The following HELLS variants were observed in gnomAD, a reference collection of about 807,000 sequenced individuals.
HELLS encodes helicase, lymphoid specific.
HELLS carries 32 observed loss-of-function variants against 120.0 expected under a neutral mutation model. The observed-to-expected ratio is 0.27, with a 90% CI of 0.20 to 0.36. The LOEUF (loss-of-function observed/expected upper bound fraction) is 0.36. HELLS is among the 10% of genes least tolerant of loss of function. HELLS has a pLI of 1.00. For missense variants in HELLS, 650 were observed against 993.4 expected (o/e 0.65, Z 4.65); for synonymous variants, 341 against 323.4 (o/e 1.05, Z -0.58).
chr10:94,583,045 C>T lies in HELLS; in HGVS notation c.1312C>T (p.His438Tyr). The T allele has an allele frequency of 1.3e-6, 2 of 1,585,788 alleles. No individual in the cohort carries two copies. Among genetic ancestry groups the T allele is most frequent in the Admixed American group, 1.7e-5 (1 of 57,882 alleles). ...IAKEREQNVLHMLHQILTPFL... is the reference protein window; with the variant it reads ...IAKEREQNVLYMLHQILTPFL... ...TAAAGAAAGAGAACAGAATGTATTGCATATGCTGCACCAGGTTTTCCATGT... is the reference window on the plus strand; with the variant it reads ...TAAAGAAAGAGAACAGAATGTATTGTATATGCTGCACCAGGTTTTCCATGT... The change falls in exon 12 of 22, where the codon CAT becomes TAT. Residue 438 changes from histidine to tyrosine, a missense_variant. By Grantham distance (83) the His-to-Tyr change is moderately conservative. Transcript: ENST00000348459.
chr10:94,550,490 C>T (rs1009916955), intron 2 of HELLS, among the ~76,000 whole-genome samples: 8 of 151,988 alleles, frequency 5.3e-5, no homozygotes, highest in African/African-American at 7.2e-5. Context: ...ACATATTGGC[C>T]GGCCTGGTCT....
Position 94,576,665 on chromosome 10 carries a change from C to A in HELLS, c.892C>A (p.Pro298Thr). Residue 298 changes from proline (P) to threonine (T), a missense_variant, in exon 10 of 22, where the codon CCT becomes ACT. Physicochemically the swap from Pro to Thr is conservative, Grantham distance 38. This residue lies in a region of HELLS where 61 missense variants were observed against 86.5 expected (regional missense o/e 0.71). Coordinates refer to ENST00000348459, the MANE Select transcript of HELLS (RefSeq NM_018063.5). ...AAATCAATATAAAATTTTTCAGATC[C>A]CTACAATGTTATATCATGGAACCCA... Reference protein sequence around the residue: ...AEFKRFTPDIPTMLYHGTQEE... With the variant: ...AEFKRFTPDITTMLYHGTQEE... 6.5e-7 allele frequency: 1 copy of A among 1,546,442 alleles called. No individual in the cohort carries two copies. The highest frequency in any genetic ancestry group is 8.8e-7 in the Non-Finnish European group (1 of 1,139,760).
chr10:94,588,809 T>A (rs1366851910), intron 13 of HELLS, among the ~76,000 whole-genome samples: 3 of 152,184 alleles, frequency 2.0e-5, no homozygotes. Context: ...AAATGTTAAG[T>A]GATAATCTTT....
At position 94,601,707 on chromosome 10, in the gene HELLS, T is replaced by C; in HGVS notation, c.*85T>C. The C allele has an allele frequency of 1.5e-6, 1 of 666,396 alleles. No homozygotes were observed. The highest frequency in any genetic ancestry group is 2.6e-6 in the Non-Finnish European group (1 of 384,848). The allele number at this position is 666,396 out of a possible 1,614,324, so 41.3% of individuals were successfully genotyped here. A position where few individuals can be genotyped will look rare whatever the true frequency, so the allele number is the denominator to read the frequency against. On this transcript the variant is annotated 3_prime_UTR_variant, in exon 22 of 22. Transcript: ENST00000348459. ...TGGGTTTGAAATACTGATTGTCCAC[T>C]TCACCTTTTTTATTATATCAGTTGA...
chr10:94,571,410 A>G lies in HELLS; in HGVS notation c.458A>G (p.Lys153Arg). ...TAGGAAATTTTGTCTGTGGCTAAAA[A>G]AAATAAAAAGGAGAATGAGGTAAGA... ...SKEEILSVAK[K>R]NKKENEDENS... is the part of the protein sequence containing the mutation. The change falls in exon 7 of 22, where the codon AAA (lysine) becomes AGA (arginine). Residue 153 changes from lysine to arginine, a missense_variant. Lys to Arg is a conservative substitution (Grantham distance 26). Transcript: ENST00000348459. 1 of 1,498,446 alleles carries G rather than the reference A, an allele frequency of 6.7e-7. No individual in the cohort carries two copies. Among genetic ancestry groups the G allele is most frequent in the South Asian group, 1.2e-5 (1 of 86,948 alleles). The allele number at this position is 1,498,446 out of a possible 1,614,324, so 92.8% of individuals were successfully genotyped here.
intron 4 of HELLS, among the ~76,000 whole-genome samples, chr10:94,559,568 C>T (rs1470838088): frequency 6.6e-6 from 1 of 151,994 alleles, no homozygotes; most frequent in Non-Finnish European, 1.5e-5. Context: ...GCCTCAGCCT[C>T]CCGAGTAGCT....
At chr10:94,572,332 T>C (rs562809572) in intron 7 of HELLS, among the ~76,000 whole-genome samples, 1 of 152,316 alleles carries the variant, frequency 6.6e-6, no homozygotes, top group South Asian at 2.1e-4. Flanking sequence ...TTGCATACAC[T>C]TGTGTAACCA....
At chr10:94,594,044 C>T (rs1018099050) in intron 18 of HELLS, among the ~76,000 whole-genome samples, 1 of 149,908 alleles carries the variant, frequency 6.7e-6, no homozygotes, top group African/African-American at 2.5e-5. Context: ...GCTGGGATTA[C>T]CAGCATGAGC....
chr10:94,557,097 C>G (rs905654488), intron 3 of HELLS: 3 of 280,488 alleles, frequency 1.1e-5, no homozygotes, highest in Non-Finnish European at 2.2e-5. Context: ...ACCTGATTCT[C>G]TTTACCTTGT....
intron 3 of HELLS, among the ~76,000 whole-genome samples, chr10:94,556,421 GAGA>G (rs1022769884): frequency 3.4e-4 from 52 of 151,996 alleles, no homozygotes; most frequent in African/African-American, 1.2e-3. Flanking sequence ...TTTTATTCCT[GAGA>G]AGGATTCCAT....
Position 94,590,289 on chromosome 10 carries a change from C to T in HELLS, c.1489-124C>T, listed in dbSNP as rs1041883004. ...CCATGTTAAAATTAAACTAATTTCC[C>T]ACAACATTTGTATTTGTCTATAGAT... is the stretch of plus-strand genomic sequence containing the variant. On this transcript the variant is annotated intron_variant, in intron 13 of 21. Coordinates refer to ENST00000348459, the MANE Select transcript of HELLS (RefSeq NM_018063.5). 34 of 812,740 alleles carry T rather than the reference C, an allele frequency of 4.2e-5. No individual in the cohort carries two copies. In the African/African-American group the frequency reaches 4.3e-4, roughly 10 times the overall value. The allele number at this position is 812,740 out of a possible 1,614,324, so 50.3% of individuals were successfully genotyped here.
chr10:94,576,536 A>C, intron 9 of HELLS, 126 bp from the exon 10 acceptor site: 1 of 502,608 alleles, frequency 2.0e-6, no homozygotes, highest in Non-Finnish European at 3.4e-6. Flanking sequence ...TTATTTTGCT[A>C]TAGAAAAATA....
chr10:94,561,191 C>T lies in HELLS; in HGVS notation c.334-1500C>T, dbSNP rs139317667. Among the ~76,000 whole-genome samples, 952 of 152,014 alleles carry T rather than the reference C, an allele frequency of 6.3e-3. 9 individuals are homozygous for T. Among genetic ancestry groups the T allele is most frequent in the African/African-American group, 0.022 (897 of 41,460 alleles). On this transcript the variant is annotated intron_variant, in intron 4 of 21. Coordinates refer to ENST00000348459, the MANE Select transcript of HELLS (RefSeq NM_018063.5). ...TTCACTATGTTGCCCAGGCTGGTCT[C>T]GAACCCCTTGGCTTAAGCTATCCCC...
At chr10:94,582,205 A>T (rs1233598258) in intron 11 of HELLS, among the ~76,000 whole-genome samples, 1 of 152,182 alleles carries the variant, frequency 6.6e-6, no homozygotes, top group African/African-American at 2.4e-5. Flanking sequence ...AAATTTTGGG[A>T]ATTTATTTCA....
chr10:94,562,587 C>T (rs868009906), intron 4 of HELLS, 104 bp from the exon 5 acceptor site: 2 of 743,982 alleles, frequency 2.7e-6, no homozygotes, highest in African/African-American at 3.5e-5. Flanking sequence ...GGATGTGGCT[C>T]AATTGCAGGA....
At chr10:94,612,768 CAA>C (rs1437528999) in exon 10 of HELLS, 4 of 152,204 alleles carry the variant, frequency 2.6e-5, no homozygotes, top group Non-Finnish European at 4.4e-5. Flanking sequence ...TCCACTAAAA[CAA>C]AAAGTTTTCT....
chr10:94,566,820 G>C lies in HELLS; in HGVS notation c.435+3944G>C, dbSNP rs372289821. Among the ~76,000 whole-genome samples the C allele has an allele frequency of 2.0e-5, 3 of 151,514 alleles. No homozygotes were observed. The East Asian group carries it at 5.9e-4, about 30-fold the overall frequency. On this transcript the variant is annotated intron_variant, in intron 6 of 21. Transcript: ENST00000348459. ...CAGGCACGTGCCACCACGCCTGGCTGTTTTTGTATTTTTTCATAGAGAGGT... is the reference window on the plus strand; with the variant it reads ...CAGGCACGTGCCACCACGCCTGGCTCTTTTTGTATTTTTTCATAGAGAGGT...
At chr10:94,593,645 T>C in intron 18 of HELLS, 30 bp downstream of exon 18, 4 of 1,291,402 alleles carry the variant, frequency 3.1e-6, no homozygotes, top group Non-Finnish European at 4.5e-6. Flanking sequence ...AGGAATATGC[T>C]GATTATATTT....
chr10:94,585,689 A>ATT (rs538721729), intron 12 of HELLS, among the ~76,000 whole-genome samples: 18 of 139,082 alleles, frequency 1.3e-4, no homozygotes, highest in South Asian at 6.9e-4. Flanking sequence ...TGGCCAACAG[A>ATT]TTTTTTTTTT....
Sources: allele counts gnomAD v4.1 joint callset (sites outside exome capture counted in the v4.1 genomes callset), GRCh38; gene constraint gnomAD v4.1.1; regional missense constraint gnomAD v4.1.1; transcripts MANE v1.5; gene names NCBI Gene and HGNC (gene_info 2026-07-23, HGNC 2026-07-21).